Variants in SRPK2 observed in about 807,000 individuals in gnomAD.
SRPK2 encodes the protein SRSF protein kinase 2, also known as SFRS protein kinase 2.
SRPK2 carries 21 observed loss-of-function variants against 90.8 expected under a neutral mutation model. The ratio of observed to expected loss-of-function variants is 0.23; its 90% CI spans 0.16 to 0.33. The LOEUF is 0.33. Ranked by LOEUF, SRPK2 falls within the 10% of genes least tolerant of loss-of-function variation. The pLI, the probability that SRPK2 is intolerant of heterozygous loss-of-function variation, is 1.00. For missense variants in SRPK2, 620 were observed against 869.0 expected (o/e 0.71, Z 3.60); for synonymous variants, 288 against 311.1 (o/e 0.93, Z 0.78).
chr7:105,160,396 C>T, intron 7 of SRPK2, 111 bp downstream of exon 7: 1 of 607,712 alleles, frequency 1.6e-6, no homozygotes, highest in Non-Finnish European at 3.0e-6. Context: ...AACATATATA[C>T]ATTATGCACT....
At chr7:105,229,621 C>G (rs1433836252) in intron 2 of SRPK2, among the ~76,000 whole-genome samples, 2 of 152,128 alleles carry the variant, frequency 1.3e-5, no homozygotes, top group Non-Finnish European at 2.9e-5. Flanking sequence ...AGGGGGAGCG[C>G]AGGAATAAAA....
intron 2 of SRPK2, among the ~76,000 whole-genome samples, chr7:105,275,767 C>T (rs567146038): frequency 1.6e-4 from 25 of 152,190 alleles, no homozygotes; most frequent in Admixed American, 8.5e-4. Flanking sequence ...AGGAGAAAAA[C>T]GGAGCCGCCC....
intron 1 of SRPK2, among the ~76,000 whole-genome samples, chr7:105,396,860 G>A (rs1212756524): frequency 2.0e-5 from 3 of 150,136 alleles, no homozygotes; most frequent in Admixed American, 6.7e-5. Flanking sequence ...GAGGGAGGAA[G>A]GGAGGAAGGA....
chr7:105,143,511 G>A (rs774329627), intron 9 of SRPK2, 181 bp from the exon 10 acceptor site: 4 of 745,562 alleles, frequency 5.4e-6, no homozygotes, highest in Non-Finnish European at 8.5e-6. Context: ...AGGGAAAGCA[G>A]TGCTGACTGA....
intron 2 of SRPK2, among the ~76,000 whole-genome samples, chr7:105,287,467 T>C (rs1221984377): frequency 6.6e-6 from 1 of 152,152 alleles, no homozygotes; most frequent in Admixed American, 6.5e-5. Context: ...CTGGGTGCAG[T>C]GGCTCACGCC....
chr7:105,386,313 C>CA (rs200837847), intron 2 of SRPK2, among the ~76,000 whole-genome samples: 236 of 15,356 alleles, frequency 0.015, 1 homozygote, highest in Middle Eastern at 0.091. Context: ...GACTCGGTCT[C>CA]AAAAAAAAAA....
At chr7:105,346,205 C>A (rs1367333603) in intron 2 of SRPK2, among the ~76,000 whole-genome samples, 2 of 152,110 alleles carry the variant, frequency 1.3e-5, no homozygotes, top group African/African-American at 4.8e-5. Flanking sequence ...TTAAAAAATT[C>A]CTGGAGGTAA....
chr7:105,126,938 G>C (rs1273825637), intron 14 of SRPK2, 55 bp downstream of exon 14: 1 of 1,563,326 alleles, frequency 6.4e-7, no homozygotes, highest in Non-Finnish European at 8.8e-7. Context: ...CTCTACAGAA[G>C]TTCAGGGCTG....
chr7:105,180,098 A>G (rs760546339), intron 3 of SRPK2, among the ~76,000 whole-genome samples: 10 of 152,216 alleles, frequency 6.6e-5, no homozygotes, highest in Non-Finnish European at 1.2e-4. Flanking sequence ...ATAAGGAACC[A>G]AAAAAGCCCA....
intron 2 of SRPK2, among the ~76,000 whole-genome samples, chr7:105,292,701 T>A (rs919877754): frequency 6.6e-6 from 1 of 152,176 alleles, no homozygotes; most frequent in Non-Finnish European, 1.5e-5. Context: ...ACAGACAGAC[T>A]ATTGCCTTAT....
chr7:105,329,613 A>C (rs1814034697), intron 2 of SRPK2, among the ~76,000 whole-genome samples: 2 of 151,906 alleles, frequency 1.3e-5, no homozygotes, highest in Admixed American at 1.3e-4. Context: ...AAAAAATAGA[A>C]GGCTAGGAAA....
chr7:105,132,698 T>G, intron 13 of SRPK2, 93 bp downstream of exon 13: 1 of 1,010,270 alleles, frequency 9.9e-7, no homozygotes, highest in Non-Finnish European at 1.5e-6. Flanking sequence ...TCAGAAAAAC[T>G]GAGGTCGCAT....
chr7:105,126,712 A>G (rs531846970), intron 14 of SRPK2, among the ~76,000 whole-genome samples: 4 of 152,316 alleles, frequency 2.6e-5, no homozygotes, highest in African/African-American at 9.6e-5. Flanking sequence ...GGTCTGTATC[A>G]TCTGTCTTCT....
intron 3 of SRPK2, among the ~76,000 whole-genome samples, chr7:105,170,906 AGAAAGAAAGGAGAAAGAAAAAGAAAAAG>A (rs1790901528): frequency 8.9e-6 from 1 of 112,020 alleles, no homozygotes; most frequent in African/African-American, 3.5e-5. Context: ...AAAGAAAGAA[AGAAAGAAAGGAGAAAGAAAAAGAAAAAG>A]GAAAGAAAGA....
chr7:105,163,348 T>A (rs1385813382), intron 6 of SRPK2, among the ~76,000 whole-genome samples: 3 of 152,076 alleles, frequency 2.0e-5, no homozygotes, highest in Admixed American at 6.6e-5. Context: ...GGTGAAAAAA[T>A]GGTGAAATCA....
chr7:105,247,053 GA>G (rs955677315), intron 2 of SRPK2, among the ~76,000 whole-genome samples: 2 of 152,170 alleles, frequency 1.3e-5, no homozygotes, highest in Non-Finnish European at 2.9e-5. Flanking sequence ...CTTCTGTAGA[GA>G]AAACTTGAGG....
chr7:105,244,692 G>A, intron 2 of SRPK2: 2 of 1,144,588 alleles, frequency 1.7e-6, no homozygotes, highest in Non-Finnish European at 1.3e-6. Context: ...CTCAACAAGG[G>A]CCAAAAGGTG....
At chr7:105,315,487 G>C (rs561564972) in intron 2 of SRPK2, among the ~76,000 whole-genome samples, 1 of 152,164 alleles carries the variant, frequency 6.6e-6, no homozygotes, top group Non-Finnish European at 1.5e-5. Context: ...GGCACAGAGT[G>C]AACACTAATG....
At chr7:105,123,512 G>A (rs1329946164) in intron 15 of SRPK2, among the ~76,000 whole-genome samples, 1 of 151,934 alleles carries the variant, frequency 6.6e-6, no homozygotes, top group African/African-American at 2.4e-5. Flanking sequence ...CTAGCACAAA[G>A]TATTTTAGCT....
Sources: gnomAD v4.1 joint callset for allele counts (sites outside exome capture counted in the v4.1 genomes callset) on GRCh38, gnomAD v4.1.1 for gene constraint, MANE v1.5 for transcripts, NCBI Gene and HGNC (gene_info 2026-07-23, HGNC 2026-07-21) for gene names.